Variants in PRMT1 observed in about 807,000 individuals in gnomAD.
PRMT1 encodes the protein protein arginine methyltransferase 1.
In PRMT1, 5 loss-of-function variants were observed where a neutral mutation model predicts 47.4. The ratio of observed to expected loss-of-function variants is 0.11; its 90% confidence interval spans 0.06 to 0.22. The LOEUF is 0.22. Among genes scored for constraint, PRMT1 ranks in the 10% least tolerant of loss-of-function variants. PRMT1 has a pLI of 1.00. For missense variants in PRMT1, 249 were observed against 518.4 expected, an observed-to-expected ratio of 0.48 and a Z score of 5.05; for synonymous variants, 227 against 204.6, an observed-to-expected ratio of 1.11 and a Z score of -0.94.
At position 49,680,136 on chromosome 19, in the gene PRMT1, C is replaced by T. The variant is rs546429953; in HGVS notation, c.90+211C>T. The T allele has an allele frequency of 3.2e-5, 42 of 1,319,392 alleles. 1 individual carries two copies. Among genetic ancestry groups the T allele is most frequent in the Non-Finnish European group, 4.4e-5 (41 of 934,282 alleles). 81.7% of individuals were successfully genotyped at this position (1,319,392 alleles called of 1,614,324 possible). A position where few individuals can be genotyped will look rare whatever the true frequency, so the allele number is the denominator to read the frequency against. ...GCCGCTACTTCCTTAACTCCACCTC[C>T]AACCCCCCTTTGCCCTTCCCTGTGT... is the stretch of plus-strand genomic sequence containing the variant. On this transcript the variant is annotated intron_variant, in intron 2 of 10. Coordinates refer to ENST00000454376, the MANE Select transcript of PRMT1 (RefSeq NM_001536.6). This position sits in a 1 kb window ranked among gnomAD's most constrained non-coding sequence, Gnocchi z 4.2.
Position 49,688,371 on chromosome 19 carries a change from A to G in PRMT1, c.*126A>G, listed in dbSNP as rs2082243896. The G allele has an allele frequency of 2.4e-6, 2 of 826,928 alleles. No homozygotes were observed. The highest frequency in any genetic ancestry group is 4.0e-6 in the Non-Finnish European group (2 of 498,454). 51.2% of individuals were successfully genotyped at this position (826,928 alleles called of 1,614,324 possible). A position where few individuals can be genotyped will look rare whatever the true frequency, so the allele number is the denominator to read the frequency against. ...AGGGGCCTGGGCTGGGGGGATGGGG[A>G]GGGCACATCGTGACTGTGTTTTTCA... On this transcript the variant is annotated 3_prime_UTR_variant, in exon 11 of 11. Coordinates refer to ENST00000454376, the MANE Select transcript of PRMT1 (RefSeq NM_001536.6). The surrounding 1 kb of genome is among the most constrained non-coding windows in gnomAD (Gnocchi z 5.3).
chr19:49,677,093 C>T, upstream of PRMT1: 1 of 462,868 alleles, frequency 2.2e-6, no homozygotes, highest in African/African-American at 2.0e-5. Context: ...AACCCCTGAC[C>T]TATGATGGAC....
At chr19:49,683,385 ACC>A (rs2082150471) in intron 5 of PRMT1, among the ~76,000 whole-genome samples, 1 of 151,944 alleles carries the variant, frequency 6.6e-6, no homozygotes, top group African/African-American at 2.4e-5. Flanking sequence ...TATCAAAACC[ACC>A]CAGTTAAAAA....
At position 49,679,945 on chromosome 19, in the gene PRMT1, AC is replaced by A. The variant is rs764607733; in HGVS notation, c.90+24del. ...GAAGAAGTAAATATCCTTTTGTGAGACCCCTCCCCACCCTGACCTCCACATC... is the reference window on the plus strand; with the variant it reads ...GAAGAAGTAAATATCCTTTTGTGAGACCCTCCCCACCCTGACCTCCACATC... On this transcript the variant is annotated intron_variant, in intron 2 of 10. Transcript: ENST00000454376. 4 of 1,596,554 alleles carry A rather than the reference AC, an allele frequency of 2.5e-6. No homozygotes were observed. The highest frequency in any genetic ancestry group is 3.4e-6 in the Non-Finnish European group (4 of 1,167,066).
Position 49,685,138 on chromosome 19 carries a change from A to G in PRMT1, c.759+101A>G. ...CTTTGGGGCCCAGAATGTTGGCCTG[A>G]GGTCTCAGAGCCTGATCTGCCAGCC... On this transcript the variant is annotated intron_variant, in intron 8 of 10. Coordinates refer to ENST00000454376, the MANE Select transcript of PRMT1 (RefSeq NM_001536.6). This position sits in a 1 kb window ranked among gnomAD's most constrained non-coding sequence, Gnocchi z 4.7. 1 of 1,572,530 alleles carries G rather than the reference A, an allele frequency of 6.4e-7. No homozygotes were observed. The highest frequency in any genetic ancestry group is 8.6e-7 in the Non-Finnish European group (1 of 1,159,310).
intron 10 of PRMT1, 175 bp from the exon 11 acceptor site, chr19:49,687,987 G>A (rs1406201927): frequency 3.0e-6 from 2 of 662,170 alleles, no homozygotes; most frequent in African/African-American, 1.8e-5. Flanking sequence ...TCCATGTGGT[G>A]CTGTCCCTTG....
At position 49,685,855 on chromosome 19, in the gene PRMT1, C is replaced by T; in HGVS notation, c.760-238C>T. On this transcript the variant is annotated intron_variant, in intron 8 of 10. Transcript: ENST00000454376. The surrounding 1 kb of genome is among the most constrained non-coding windows in gnomAD (Gnocchi z 4.7). ...TCTGGACAGAGTTAGGGTGGCACTG[C>T]CAGGTTTGGGTGTTGGAGAGGAGGG... 4 of 1,369,358 alleles carry T rather than the reference C, an allele frequency of 2.9e-6. No individual in the cohort carries two copies. Among genetic ancestry groups the T allele is most frequent in the Non-Finnish European group, 2.8e-6 (3 of 1,061,228 alleles). 84.8% of individuals were successfully genotyped at this position (1,369,358 alleles called of 1,614,324 possible).
chr19:49,688,221 C>T lies in PRMT1; in HGVS notation c.1092C>T (p.Cys364=). Residue 364 remains cysteine (C), a synonymous_variant, in exon 11 of 11, where the codon TGC becomes TGT. Transcript: ENST00000454376. The surrounding 1 kb of genome is among the most constrained non-coding windows in gnomAD (Gnocchi z 5.3). ...DFKGQLCELS[C]STDYRMR ...AGGGCCAGCTGTGCGAGCTGTCCTG[C>T]TCCACCGACTACCGGATGCGCTGAG... 6.2e-6 allele frequency: 10 copies of T among 1,614,024 alleles called. No homozygotes were observed. The highest frequency in any genetic ancestry group is 8.5e-6 in the Non-Finnish European group (10 of 1,179,938).
rs1599951233 is a variant in PRMT1 at position 49,686,715 on chromosome 19, G to A, written c.1021G>A (p.Ala341Thr). 3.1e-6 allele frequency: 5 copies of A among 1,598,202 alleles called. No individual in the cohort carries two copies. The highest frequency in any genetic ancestry group is 4.3e-6 in the Non-Finnish European group (5 of 1,170,840). ...IFGTIGMRPN[A>T]KNNRDLDFTI... Reference sequence around the variant, plus strand: ...CGGCACCATCGGCATGCGGCCCAACGCCAAGAACAACGTGAGGCTCCGGGC... The same window carrying A: ...CGGCACCATCGGCATGCGGCCCAACACCAAGAACAACGTGAGGCTCCGGGC... Residue 341 changes from alanine (A) to threonine (T), a missense_variant, in exon 10 of 11, where the codon GCC becomes ACC. Ala to Thr is a moderately conservative substitution (Grantham distance 58, BLOSUM62 0). Coordinates refer to ENST00000454376, the MANE Select transcript of PRMT1 (RefSeq NM_001536.6).
chr19:49,680,067 C>G lies in PRMT1; in HGVS notation c.90+142C>G. 1 of 1,112,198 alleles carries G rather than the reference C, an allele frequency of 9.0e-7. No individual in the cohort carries two copies. The highest frequency in any genetic ancestry group is 1.4e-5 in the South Asian group (1 of 72,540). 68.9% of individuals were successfully genotyped at this position (1,112,198 alleles called of 1,614,324 possible). A position where few individuals can be genotyped will look rare whatever the true frequency, so the allele number is the denominator to read the frequency against. The stretch of plus-strand genomic sequence containing the variant: ...CCCCAGGCCCCCAGACACTTAGTAG[C>G]AACCCCTCCAGGTTCACAGCCCCCG... On this transcript the variant is annotated intron_variant, in intron 2 of 10. Transcript: ENST00000454376. The surrounding 1 kb of genome is among the most constrained non-coding windows in gnomAD (Gnocchi z 4.2).
intron 5 of PRMT1, chr19:49,683,687 CA>C (rs34880220): frequency 0.23 from 51,041 of 225,660 alleles, 1,012 homozygotes; most frequent in African/African-American, 0.29. Context: ...GACTCCGTCT[CA>C]AAAAAAAAAA....
intron 5 of PRMT1, among the ~76,000 whole-genome samples, chr19:49,682,759 A>G (rs1599944068): frequency 6.9e-6 from 1 of 144,064 alleles, no homozygotes; most frequent in Non-Finnish European, 1.5e-5. Context: ...CATGACCACC[A>G]TCATAGGTAC....
Position 49,681,876 on chromosome 19 carries a change from C to G in PRMT1, c.193-34C>G. 6.3e-7 allele frequency: 1 copy of G among 1,590,926 alleles called. No homozygotes were observed. The highest frequency in any genetic ancestry group is 8.6e-7 in the Non-Finnish European group (1 of 1,164,290). ...TGTTCTCCAGCTGGGGATATGGGGC[C>G]CCTCACGGCGTCTCTGTGCCATTCT... On this transcript the variant is annotated intron_variant, in intron 3 of 10. Transcript: ENST00000454376. This position sits in a 1 kb window ranked among gnomAD's most constrained non-coding sequence, Gnocchi z 4.4.
intron 1 of PRMT1, chr19:49,679,488 G>GGT (rs986608985): frequency 1.6e-5 from 8 of 513,998 alleles, no homozygotes; most frequent in Non-Finnish European, 2.3e-5. Context: ...CTAGGATAGG[G>GGT]GTGTGTGTGT....
Position 49,688,259 on chromosome 19 carries a change from C to A in PRMT1, c.*14C>A, listed in dbSNP as rs760514858. 29 of 1,612,576 alleles carry A rather than the reference C, an allele frequency of 1.8e-5. No homozygotes were observed. The highest frequency in any genetic ancestry group is 1.7e-5 in the Admixed American group (1 of 59,988). On this transcript the variant is annotated 3_prime_UTR_variant, in exon 11 of 11. Transcript: ENST00000454376. This position sits in a 1 kb window ranked among gnomAD's most constrained non-coding sequence, Gnocchi z 5.3. The stretch of plus-strand genomic sequence containing the variant: ...CGGATGCGCTGAGGCCCGGCTCTCC[C>A]GCCCTGCACGAGCCCAGGGGCTGAG...
In PRMT1 at chr19:49,684,702, A is replaced by G. The variant is rs1221316143; in HGVS notation, c.556-52A>G. On this transcript the variant is annotated intron_variant, in intron 6 of 10. Coordinates refer to ENST00000454376, the MANE Select transcript of PRMT1 (RefSeq NM_001536.6). This position sits in a 1 kb window ranked among gnomAD's most constrained non-coding sequence, Gnocchi z 6.2. ...AGGCCACATCTTGGAGGCAAGACTC[A>G]GGGTAGTGTTGCCAGGCCCCACCCT... is the stretch of plus-strand genomic sequence containing the variant. The G allele has an allele frequency of 6.6e-7, 1 of 1,521,562 alleles. No individual in the cohort carries two copies. Among genetic ancestry groups the G allele is most frequent in the South Asian group, 1.2e-5 (1 of 83,352 alleles). The allele number at this position is 1,521,562 out of a possible 1,614,324, so 94.3% of individuals were successfully genotyped here. A position where few individuals can be genotyped will look rare whatever the true frequency, so the allele number is the denominator to read the frequency against.
In PRMT1 at chr19:49,688,092, C is replaced by T. The variant is rs1032724588; in HGVS notation, c.1033-70C>T. ...TGGAGCCCGGCTCATCGTCGCATAGCCTGCCTGCACCCGCCCCCCGCCACC... is the reference window on the plus strand; with the variant it reads ...TGGAGCCCGGCTCATCGTCGCATAGTCTGCCTGCACCCGCCCCCCGCCACC... On this transcript the variant is annotated intron_variant, in intron 10 of 10. Coordinates refer to ENST00000454376, the MANE Select transcript of PRMT1 (RefSeq NM_001536.6). This position sits in a 1 kb window ranked among gnomAD's most constrained non-coding sequence, Gnocchi z 5.3. 5.2e-6 allele frequency: 7 copies of T among 1,349,684 alleles called. No individual in the cohort carries two copies. The highest frequency in any genetic ancestry group is 7.4e-6 in the Non-Finnish European group (7 of 939,776). The allele number at this position is 1,349,684 out of a possible 1,614,324, so 83.6% of individuals were successfully genotyped here. A position where few individuals can be genotyped will look rare whatever the true frequency, so the allele number is the denominator to read the frequency against.
In PRMT1 at chr19:49,681,313, T is replaced by C. The variant is rs928191120; in HGVS notation, c.193-597T>C. On this transcript the variant is annotated intron_variant, in intron 3 of 10. Coordinates refer to ENST00000454376, the MANE Select transcript of PRMT1 (RefSeq NM_001536.6). The surrounding 1 kb of genome is among the most constrained non-coding windows in gnomAD (Gnocchi z 4.4). Reference sequence around the variant, plus strand: ...ATCCTCCGGCTTTGGCCTCCTGAGGTGCTGGGATTACAGGCGTGAGCCACC... The same window carrying C: ...ATCCTCCGGCTTTGGCCTCCTGAGGCGCTGGGATTACAGGCGTGAGCCACC... 2.0e-5 allele frequency among the ~76,000 whole-genome samples: 3 copies of C among 152,162 alleles called. No individual in the cohort carries two copies. The highest frequency in any genetic ancestry group is 7.2e-5 in the African/African-American group (3 of 41,446).
In PRMT1 at chr19:49,681,098, A is replaced by G. The variant is rs980932681; in HGVS notation, c.192+510A>G. ...ACGGTCTCGCTCTGTCGCCCAGGCT[A>G]GAGTGCATTGGTGCAATCATGGCTC... On this transcript the variant is annotated intron_variant, in intron 3 of 10. Transcript: ENST00000454376. This position sits in a 1 kb window ranked among gnomAD's most constrained non-coding sequence, Gnocchi z 4.4. Among the ~76,000 whole-genome samples, 2 of 152,170 alleles carry G rather than the reference A, an allele frequency of 1.3e-5. No homozygotes were observed. Among genetic ancestry groups the G allele is most frequent in the African/African-American group, 4.8e-5 (2 of 41,442 alleles).
Sources: gnomAD v4.1 joint callset for allele counts (sites outside exome capture counted in the v4.1 genomes callset) on GRCh38, gnomAD v4.1.1 for gene constraint, Gnocchi (gnomAD v3.1) non-coding constraint, MANE v1.5 for transcripts, NCBI Gene and HGNC (gene_info 2026-07-23, HGNC 2026-07-21) for gene names.